Variants in SPATA31H1 observed in about 807,000 individuals in gnomAD.
SPATA31H1 encodes spermatogenesis-associated protein 31H1.
At chr2:27,545,844 T>G in the SPATA31H1 span, among the ~76,000 whole-genome samples, 1 of 151,916 alleles carries the variant, frequency 6.6e-6, no homozygotes, top group Non-Finnish European at 1.5e-5. Context: ...ATTACAGGTG[T>G]GAGCCATTGC....
At chr2:27,577,741 G>C in the SPATA31H1 span, 2 of 1,614,030 alleles carry the variant, frequency 1.2e-6, no homozygotes, top group Non-Finnish European at 1.7e-6. The surrounding 1 kb of genome is among the most constrained non-coding windows in gnomAD (Gnocchi z 4.5). Flanking sequence ...GGATCTCCAG[G>C]GATAATATCA....
chr2:27,573,851 G>A, the SPATA31H1 span: 14 of 398,472 alleles, frequency 3.5e-5, no homozygotes, highest in Middle Eastern at 1.3e-3. Flanking sequence ...AAACTGTAGC[G>A]CTGAACTCCT....
At chr2:27,573,987 A>G in the SPATA31H1 span, 1 of 398,526 alleles carries the variant, frequency 2.5e-6, no homozygotes, top group East Asian at 3.6e-5. Context: ...GTTGAACCCT[A>G]AGACAAAGTC....
chr2:27,578,356 G>A, the SPATA31H1 span: 3 of 1,614,060 alleles, frequency 1.9e-6, no homozygotes, highest in Non-Finnish European at 2.5e-6. Context: ...TTAATCCCAG[G>A]GCCATCCCTT....
the SPATA31H1 span, chr2:27,578,946 T>C: frequency 1.9e-6 from 3 of 1,614,018 alleles, no homozygotes; most frequent in Non-Finnish European, 2.5e-6. Context: ...ATCTTTAACT[T>C]TTCCTTTGGC....
the SPATA31H1 span, chr2:27,565,235 G>A: frequency 1.5e-6 from 1 of 656,600 alleles, no homozygotes; most frequent in Non-Finnish European, 2.8e-6. Flanking sequence ...TGATACATGA[G>A]ATGTATCAAT....
chr2:27,553,237 C>T, the SPATA31H1 span, among the ~76,000 whole-genome samples: 1 of 152,064 alleles, frequency 6.6e-6, no homozygotes, highest in Admixed American at 6.5e-5. Context: ...GAATCACCTT[C>T]CAGGTTATTC....
the SPATA31H1 span, chr2:27,568,567 G>C: frequency 1.8e-5 from 7 of 398,912 alleles, no homozygotes; most frequent in Middle Eastern, 6.2e-4. Flanking sequence ...TTGACCCCAA[G>C]TTCACAGTTG....
At chr2:27,581,226 G>T in the SPATA31H1 span, 1 of 1,614,152 alleles carries the variant, frequency 6.2e-7, no homozygotes. Flanking sequence ...AACCCCACGC[G>T]GTCCTTCTGA....
chr2:27,565,456 G>C, the SPATA31H1 span: 1 of 710,440 alleles, frequency 1.4e-6, no homozygotes, highest in Non-Finnish European at 2.6e-6. Context: ...TATGACTCTA[G>C]CCTTAAATAG....
At chr2:27,562,524 A>G in the SPATA31H1 span, among the ~76,000 whole-genome samples, 1 of 148,306 alleles carries the variant, frequency 6.7e-6, no homozygotes, top group South Asian at 2.1e-4. Context: ...AAAAAAAAAA[A>G]GTAAATAAAT....
At chr2:27,567,924 C>T in the SPATA31H1 span, 2 of 398,946 alleles carry the variant, frequency 5.0e-6, no homozygotes. Flanking sequence ...GTTCTCACAG[C>T]TGCCAAGTCA....
the SPATA31H1 span, chr2:27,580,406 G>A: frequency 6.2e-7 from 1 of 1,613,886 alleles, no homozygotes; most frequent in Non-Finnish European, 8.5e-7. Context: ...GGGCTAAAGT[G>A]AGAACCAAAA....
chr2:27,544,964 CA>C, the SPATA31H1 span, among the ~76,000 whole-genome samples: 4 of 151,022 alleles, frequency 2.6e-5, no homozygotes, highest in Admixed American at 6.6e-5. Context: ...TAAAAATAGC[CA>C]AAAAAAGGCT....
At chr2:27,574,475 T>C in the SPATA31H1 span, 1 of 398,398 alleles carries the variant, frequency 2.5e-6, no homozygotes, top group South Asian at 1.3e-4. Context: ...TAAAATCTTC[T>C]GATCTGATCA....
At chr2:27,581,089 C>A in the SPATA31H1 span, 1 of 1,614,160 alleles carries the variant, frequency 6.2e-7, no homozygotes. Flanking sequence ...TTGTCCACAC[C>A]AGGAACCAGA....
chr2:27,539,702 A>G, the SPATA31H1 span, among the ~76,000 whole-genome samples: 28 of 53,414 alleles, frequency 5.2e-4, no homozygotes, highest in African/African-American at 6.3e-4. Flanking sequence ...GCCGGGCAGA[A>G]GCGCCCCTCA....
chr2:27,581,298 A>T, the SPATA31H1 span: 1 of 1,613,994 alleles, frequency 6.2e-7, no homozygotes, highest in Non-Finnish European at 8.5e-7. Flanking sequence ...AAGCCAACGC[A>T]GTTCCTTGGA....
At chr2:27,577,356 T>C in the SPATA31H1 span, 15 of 1,614,054 alleles carry the variant, frequency 9.3e-6, no homozygotes, top group East Asian at 3.3e-4. This position sits in a 1 kb window ranked among gnomAD's most constrained non-coding sequence, Gnocchi z 4.5. Flanking sequence ...AACTGTGGAA[T>C]ATGAAGGGAT....
Sources: gnomAD v4.1 joint callset for allele counts (sites outside exome capture counted in the v4.1 genomes callset) on GRCh38, gnomAD v4.1.1 for gene constraint, Gnocchi (gnomAD v3.1) non-coding constraint, MANE v1.5 for transcripts, NCBI Gene and HGNC (gene_info 2026-07-23, HGNC 2026-07-21) for gene names.